Variants in RABGAP1 observed in about 807,000 individuals in gnomAD.
The protein encoded by RABGAP1 is RAB GTPase activating protein 1.
Under a neutral mutation model 137.6 loss-of-function variants are expected in RABGAP1, and 23 were observed. That is an observed-to-expected ratio of 0.17 (90% CI 0.12 to 0.24). The LOEUF is 0.24. Ranked by LOEUF, RABGAP1 falls within the 10% of genes least tolerant of loss-of-function variation. The pLI, the probability that RABGAP1 is intolerant of heterozygous loss-of-function variation, is 1.00. For missense variants in RABGAP1, 906 were observed against 1,275.8 expected, an observed-to-expected ratio of 0.71 and a Z score of 4.42; for synonymous variants, 451 against 450.7, an observed-to-expected ratio of 1.00 and a Z score of -0.01.
At chr9:123,072,787 C>T (rs1323922576) in intron 15 of RABGAP1, among the ~76,000 whole-genome samples, 14 of 152,146 alleles carry the variant, frequency 9.2e-5, no homozygotes. Context: ...GTGCTCAGCC[C>T]GCCTCCATCA....
chr9:123,029,316 C>T (rs2032167106), intron 13 of RABGAP1: 1 of 647,056 alleles, frequency 1.5e-6, no homozygotes, highest in South Asian at 1.9e-5. Context: ...GTTTAAAGCT[C>T]ATTTTTTTTT....
At chr9:123,025,548 T>C (rs1299455986) in intron 13 of RABGAP1, among the ~76,000 whole-genome samples, 1 of 143,838 alleles carries the variant, frequency 7.0e-6, no homozygotes, top group African/African-American at 2.5e-5. Context: ...CTTTTCTTTT[T>C]TTTTTTTTTT....
At chr9:123,096,602 A>G (rs1238723793) in intron 21 of RABGAP1, among the ~76,000 whole-genome samples, 2 of 151,944 alleles carry the variant, frequency 1.3e-5, no homozygotes, top group Non-Finnish European at 2.9e-5. Flanking sequence ...TGAGTCTCGC[A>G]CTGTTGCCCA....
chr9:123,028,603 G>A (rs1443692332), intron 13 of RABGAP1, among the ~76,000 whole-genome samples: 1 of 152,218 alleles, frequency 6.6e-6, no homozygotes, highest in African/African-American at 2.4e-5. Flanking sequence ...CATAGAGTGT[G>A]AATGGAGGTA....
chr9:122,976,163 T>C (rs1253474501), intron 2 of RABGAP1, among the ~76,000 whole-genome samples: 1 of 152,218 alleles, frequency 6.6e-6, no homozygotes, highest in Non-Finnish European at 1.5e-5. Context: ...AACGTTTATG[T>C]CATATGTTTA....
chr9:123,045,532 A>G (rs992327998), intron 13 of RABGAP1, among the ~76,000 whole-genome samples: 3 of 152,168 alleles, frequency 2.0e-5, no homozygotes, highest in Non-Finnish European at 2.9e-5. Context: ...AGAACACTGG[A>G]AATAAAGTTA....
At chr9:122,952,366 C>T (rs980760979) in intron 1 of RABGAP1, among the ~76,000 whole-genome samples, 1 of 151,982 alleles carries the variant, frequency 6.6e-6, no homozygotes, top group African/African-American at 2.4e-5. Context: ...TCATGCCATT[C>T]TTCTGCCTCA....
At chr9:122,950,781 T>TA (rs1834203625) in intron 1 of RABGAP1, among the ~76,000 whole-genome samples, 1 of 152,208 alleles carries the variant, frequency 6.6e-6, no homozygotes, top group Admixed American at 6.5e-5. Flanking sequence ...AAGACAGTGC[T>TA]AGTGTTATCA....
At chr9:122,982,090 T>C (rs147462645) in intron 2 of RABGAP1, among the ~76,000 whole-genome samples, 17 of 151,668 alleles carry the variant, frequency 1.1e-4, no homozygotes, top group African/African-American at 3.9e-4. Flanking sequence ...CTGTCACAGG[T>C]AGTAATTTGG....
intron 21 of RABGAP1, among the ~76,000 whole-genome samples, chr9:123,093,203 G>A (rs2035079393): frequency 1.3e-5 from 2 of 152,130 alleles, no homozygotes; most frequent in South Asian, 2.1e-4. Context: ...GGGCCCTCTT[G>A]TATTTTCGGT....
chr9:122,936,161 C>G (rs1450493640), upstream of RABGAP1, among the ~76,000 whole-genome samples: 1 of 151,984 alleles, frequency 6.6e-6, no homozygotes, highest in Non-Finnish European at 1.5e-5. Context: ...ATTTGTATAT[C>G]ATGTTGTTAA....
chr9:122,974,009 CCAA>C (rs1835622098), intron 2 of RABGAP1, among the ~76,000 whole-genome samples: 1 of 124,714 alleles, frequency 8.0e-6, no homozygotes. Flanking sequence ...TCGTCTCAAA[CCAA>C]AAAAAAAAAA....
rs574896259 is a variant in RABGAP1 at position 123,052,437 on chromosome 9, C to G, written c.1795-12911C>G. On this transcript the variant is annotated intron_variant, in intron 13 of 25. Transcript: ENST00000373647. ...GATCTTTTAGATAAGTGGCTCTGAA[C>G]CTTATTATGTGTCATACATCCTTTT... 1.7e-4 allele frequency among the ~76,000 whole-genome samples: 26 copies of G among 152,262 alleles called. No individual in the cohort carries two copies. The South Asian group carries it at 5.4e-3, about 32-fold the overall frequency.
At chr9:123,091,890 T>G (rs564826689) in intron 21 of RABGAP1, among the ~76,000 whole-genome samples, 52 of 152,200 alleles carry the variant, frequency 3.4e-4, no homozygotes, top group African/African-American at 1.2e-3. Flanking sequence ...GTAGAAACAC[T>G]ATATGGGTCA....
intron 13 of RABGAP1, among the ~76,000 whole-genome samples, chr9:123,042,707 C>A (rs1056928186): frequency 6.6e-6 from 1 of 151,862 alleles, no homozygotes; most frequent in South Asian, 2.1e-4. Flanking sequence ...ATCAGGGAAC[C>A]CAATAGCTGA....
At chr9:123,021,411 C>T (rs976821547) in intron 13 of RABGAP1, among the ~76,000 whole-genome samples, 1 of 149,476 alleles carries the variant, frequency 6.7e-6, no homozygotes, top group African/African-American at 2.5e-5. Flanking sequence ...GCAACCTCTG[C>T]CTCCCGGCTT....
intron 25 of RABGAP1, 148 bp from the exon 26 acceptor site, chr9:123,102,943 A>C: frequency 9.1e-7 from 1 of 1,095,838 alleles, no homozygotes; most frequent in South Asian, 2.0e-5. Flanking sequence ...TAGGCATTTC[A>C]GGCATTTCTA....
intron 13 of RABGAP1, among the ~76,000 whole-genome samples, chr9:123,043,900 C>CTTTTTT (rs1186243080): frequency 2.3e-5 from 3 of 129,430 alleles, no homozygotes; most frequent in African/African-American, 5.7e-5. Context: ...GTATTATTTT[C>CTTTTTT]TTTTTTTTTT....
At chr9:123,005,650 A>G (rs1396770683) in intron 10 of RABGAP1, among the ~76,000 whole-genome samples, 3 of 152,126 alleles carry the variant, frequency 2.0e-5, no homozygotes, top group Admixed American at 6.5e-5. Context: ...GGGCTTTTCA[A>G]CCAGTCTGCT....
Sources: gnomAD v4.1 joint callset for allele counts (sites outside exome capture counted in the v4.1 genomes callset) on GRCh38, gnomAD v4.1.1 for gene constraint, MANE v1.5 for transcripts, NCBI Gene and HGNC (gene_info 2026-07-23, HGNC 2026-07-21) for gene names.